The following ASB15 variants were observed in gnomAD, a reference collection of about 807,000 sequenced individuals.
ASB15 encodes the protein ankyrin repeat and SOCS box protein 15.
Under a neutral mutation model 58.0 loss-of-function variants are expected in ASB15, and 54 were observed. The ratio of observed to expected loss-of-function variants is 0.93; its 90% CI spans 0.75 to 1.17. The LOEUF (loss-of-function observed/expected upper bound fraction) is 1.17, where lower values mean the gene tolerates loss of function less well. Ranked by LOEUF, ASB15 falls within the 50% of genes most tolerant of loss-of-function variation. The pLI is 0.00. For synonymous variants in ASB15, 249 were observed against 262.4 expected, an observed-to-expected ratio of 0.95 and a Z score of 0.50; for missense variants, 680 against 707.4, an observed-to-expected ratio of 0.96 and a Z score of 0.44.
At chr7:123,591,130 G>C (rs1345841279) in intron 1 of ASB15, among the ~76,000 whole-genome samples, 1 of 151,840 alleles carries the variant, frequency 6.6e-6, no homozygotes, top group Non-Finnish European at 1.5e-5. Flanking sequence ...GAATGCTTGT[G>C]ATTTTTGCAA....
chr7:123,598,396 C>G (rs947041949), upstream of ASB15, among the ~76,000 whole-genome samples: 2 of 152,040 alleles, frequency 1.3e-5, no homozygotes, highest in African/African-American at 2.4e-5. Flanking sequence ...ACTGGCAGAA[C>G]TTAGACTAAG....
At chr7:123,591,428 C>T (rs1213921829) in intron 1 of ASB15, among the ~76,000 whole-genome samples, 4 of 152,134 alleles carry the variant, frequency 2.6e-5, no homozygotes, top group African/African-American at 9.7e-5. Context: ...AACATATTGG[C>T]TGTGGGTTTG....
In ASB15 at chr7:123,629,342, C is replaced by A; in HGVS notation, c.1348C>A (p.His450Asn). ...AGTGGAGATGTGCTTTGACTGCATG[C>A]ATGGTGACATCTTTGGAAATTCATT... Reference protein sequence around the residue: ...YQVEMCFDCMHGDIFGNSFVW... With the variant: ...YQVEMCFDCMNGDIFGNSFVW... The change falls in exon 10 of 12, where the codon CAT becomes AAT. Residue 450 changes from histidine (H) to asparagine (N), a missense_variant. His to Asn is a moderately conservative substitution (Grantham distance 68, BLOSUM62 1). Coordinates refer to ENST00000451215, the MANE Select transcript of ASB15 (RefSeq NM_001290258.2). The A allele has an allele frequency of 6.2e-7, 1 of 1,614,004 alleles. No homozygotes were observed. The highest frequency in any genetic ancestry group is 8.5e-7 in the Non-Finnish European group (1 of 1,179,930).
chr7:123,570,891 A>G (rs1288979375), intron 1 of ASB15, among the ~76,000 whole-genome samples: 1 of 152,210 alleles, frequency 6.6e-6, no homozygotes, highest in Admixed American at 6.5e-5. Context: ...AAGAACTCTC[A>G]GCAGGAATAT....
chr7:123,634,571 C>A (rs1447471712), intron 11 of ASB15, among the ~76,000 whole-genome samples: 1 of 151,902 alleles, frequency 6.6e-6, no homozygotes, highest in Non-Finnish European at 1.5e-5. Context: ...TTAAAAAAAA[C>A]TGGTCAGCTC....
chr7:123,605,201 ATATT>A (rs1800084968), intron 2 of ASB15, among the ~76,000 whole-genome samples: 2 of 152,206 alleles, frequency 1.3e-5, no homozygotes, highest in Admixed American at 1.3e-4. Context: ...TTGTATATGA[ATATT>A]TATGTGTATA....
chr7:123,594,655 G>T (rs758842589), intron 1 of ASB15, among the ~76,000 whole-genome samples: 15 of 152,158 alleles, frequency 9.9e-5, no homozygotes, highest in Admixed American at 2.0e-4. Context: ...TCCTCTGGAA[G>T]CTTCGTCCCA....
At chr7:123,601,054 T>C (rs540642855), upstream of ASB15, among the ~76,000 whole-genome samples, 7 of 152,130 alleles carry the variant, frequency 4.6e-5, no homozygotes, top group South Asian at 2.1e-4. Context: ...CGAGTTGTTT[T>C]AGTAGGGGGG....
rs184974678 is a variant in ASB15, at chr7:123,611,756, T to A, written c.-2-2745T>A. On this transcript the variant is annotated intron_variant, in intron 3 of 11. Coordinates refer to ENST00000451215, the MANE Select transcript of ASB15 (RefSeq NM_001290258.2). ...ATCATTGTGTCTTGACGTCTTTAAG[T>A]CCATTCCAGTAATGCTCCTTTGACT... 7.2e-3 allele frequency among the ~76,000 whole-genome samples: 1,101 copies of A among 152,180 alleles called. 7 individuals are homozygous for A. Among genetic ancestry groups the A allele is most frequent in the Non-Finnish European group, 0.012 (791 of 68,018 alleles).
intron 1 of ASB15, among the ~76,000 whole-genome samples, chr7:123,569,665 CAAG>C (rs1267780475): frequency 6.6e-6 from 1 of 152,064 alleles, no homozygotes; most frequent in East Asian, 1.9e-4. Flanking sequence ...TCCAGCTGAA[CAAG>C]AAGATGAACC....
At chr7:123,634,210 C>T (rs564337168) in intron 11 of ASB15, among the ~76,000 whole-genome samples, 1 of 152,102 alleles carries the variant, frequency 6.6e-6, no homozygotes, top group Admixed American at 6.5e-5. Flanking sequence ...AGCCACCCCC[C>T]CGACAGGCCC....
At chr7:123,602,211 A>G (rs546189082) in intron 1 of ASB15, among the ~76,000 whole-genome samples, 4 of 152,164 alleles carry the variant, frequency 2.6e-5, no homozygotes, top group African/African-American at 9.7e-5. Flanking sequence ...TATATTTACT[A>G]TAGAATCCCA....
At chr7:123,629,579 A>AG (rs1404654033) in intron 10 of ASB15, 145 bp downstream of exon 10, 1 of 704,852 alleles carries the variant, frequency 1.4e-6, no homozygotes, top group Non-Finnish European at 2.3e-6. Context: ...GCAATGATAC[A>AG]GGGATATAAG....
chr7:123,631,623 A>T (rs1368926763), intron 11 of ASB15, among the ~76,000 whole-genome samples: 1 of 152,154 alleles, frequency 6.6e-6, no homozygotes, highest in Non-Finnish European at 1.5e-5. Flanking sequence ...AGGACCCACA[A>T]AAAAGTTGGG....
intron 1 of ASB15, among the ~76,000 whole-genome samples, chr7:123,580,995 G>A (rs951596644): frequency 4.6e-5 from 7 of 151,948 alleles, no homozygotes; most frequent in East Asian, 1.9e-4. Flanking sequence ...ACCAACAGGC[G>A]TCCATTCCTG....
At chr7:123,586,602 T>C (rs1428734804) in intron 1 of ASB15, among the ~76,000 whole-genome samples, 2 of 151,826 alleles carry the variant, frequency 1.3e-5, no homozygotes, top group East Asian at 1.9e-4. Context: ...CCTGTCCTTT[T>C]GGTGTCATAT....
upstream of ASB15, among the ~76,000 whole-genome samples, chr7:123,599,750 C>T (rs946173079): frequency 6.6e-6 from 1 of 152,194 alleles, no homozygotes; most frequent in Non-Finnish European, 1.5e-5. Context: ...TGAAACAGTA[C>T]ATGCATTTCT....
chr7:123,572,165 CAG>C (rs1351102277), intron 1 of ASB15, among the ~76,000 whole-genome samples: 2 of 94,734 alleles, frequency 2.1e-5, no homozygotes, highest in African/African-American at 8.5e-5. Context: ...TTTTTGGAGA[CAG>C]AGTCTCACTC....
At chr7:123,605,772 C>T (rs888512211) in intron 2 of ASB15, among the ~76,000 whole-genome samples, 1 of 152,114 alleles carries the variant, frequency 6.6e-6, no homozygotes, top group African/African-American at 2.4e-5. Flanking sequence ...CATGTTCTCA[C>T]TTACAAGTAG....
Sources: allele counts gnomAD v4.1 joint callset (sites outside exome capture counted in the v4.1 genomes callset), GRCh38; gene constraint gnomAD v4.1.1; transcripts MANE v1.5; gene names NCBI Gene and HGNC (gene_info 2026-07-23, HGNC 2026-07-21).